ENTPD1: variants seen among roughly 807,000 people sequenced by gnomAD.
ENTPD1 encodes the protein ectonucleoside triphosphate diphosphohydrolase 1.
Under a neutral mutation model 57.0 loss-of-function variants are expected in ENTPD1, and 33 were observed. That is an observed-to-expected ratio of 0.58 (90% CI 0.44 to 0.77). ENTPD1 has a LOEUF of 0.77. Among genes scored for constraint, ENTPD1 ranks in the 30% least tolerant of loss-of-function variants. The pLI, the probability that ENTPD1 is intolerant of heterozygous loss-of-function variation, is 0.00. For synonymous variants in ENTPD1, 202 were observed against 218.8 expected (o/e 0.92, Z 0.68); for missense variants, 501 against 603.4 (o/e 0.83, Z 1.78).
chr10:95,723,679 C>T (rs953077740), intron 1 of ENTPD1, among the ~76,000 whole-genome samples: 5 of 152,140 alleles, frequency 3.3e-5, no homozygotes, highest in Non-Finnish European at 4.4e-5. Flanking sequence ...AAGGTAGGGG[C>T]ACACACATGG....
intron 1 of ENTPD1, among the ~76,000 whole-genome samples, chr10:95,750,206 T>C (rs150249684): frequency 2.6e-5 from 4 of 152,300 alleles, no homozygotes; most frequent in Non-Finnish European, 5.9e-5. Flanking sequence ...ACAGTGTTTG[T>C]GTCTGTGGGA....
At chr10:95,712,150 T>C (rs1450505662) in intron 1 of ENTPD1, among the ~76,000 whole-genome samples, 2 of 152,252 alleles carry the variant, frequency 1.3e-5, no homozygotes, top group Non-Finnish European at 2.9e-5. Flanking sequence ...GTAGCGACTC[T>C]GGTGTCCTTT....
At chr10:95,710,603 A>G (rs2097964735), upstream of ENTPD1, among the ~76,000 whole-genome samples, 1 of 152,232 alleles carries the variant, frequency 6.6e-6, no homozygotes. Flanking sequence ...TGTAGAGGAA[A>G]GAAGTATGTT....
chr10:95,872,358 C>T lies in ENTPD1; in HGVS notation c.*5975C>T. Reference sequence around the variant, plus strand: ...CTCTCCAGGCTCATATCCCACTCCACTCCTCTGATGTTTCCTACACTACAC... The same window carrying T: ...CTCTCCAGGCTCATATCCCACTCCATTCCTCTGATGTTTCCTACACTACAC... On this transcript the variant is annotated 3_prime_UTR_variant, in exon 10 of 10. Coordinates refer to ENST00000371205, the MANE Select transcript of ENTPD1 (RefSeq NM_001776.6). 1 of 985,448 alleles carries T rather than the reference C, an allele frequency of 1.0e-6. No individual in the cohort carries two copies. The allele number at this position is 985,448 out of a possible 1,614,324, so 61.0% of individuals were successfully genotyped here. A position where few individuals can be genotyped will look rare whatever the true frequency, so the allele number is the denominator to read the frequency against.
chr10:95,857,249 A>C (rs901689082), intron 7 of ENTPD1, among the ~76,000 whole-genome samples: 16 of 152,178 alleles, frequency 1.1e-4, no homozygotes, highest in African/African-American at 3.9e-4. Context: ...TGAAGGCTCA[A>C]TATGTTGCTA....
At chr10:95,745,731 G>A (rs188088893) in intron 1 of ENTPD1, among the ~76,000 whole-genome samples, 2 of 152,316 alleles carry the variant, frequency 1.3e-5, no homozygotes, top group African/African-American at 2.4e-5. Flanking sequence ...GATATTTGCC[G>A]TAGCATAGGA....
Position 95,820,567 on chromosome 10 carries a change from T to G in ENTPD1, c.17-2670T>G, listed in dbSNP as rs180727168. 8.6e-3 allele frequency among the ~76,000 whole-genome samples: 1,310 copies of G among 152,338 alleles called. 15 individuals carry two copies. Among genetic ancestry groups the G allele is most frequent in the Non-Finnish European group, 0.013 (881 of 68,026 alleles). On this transcript the variant is annotated intron_variant, in intron 1 of 9. Coordinates refer to ENST00000371205, the MANE Select transcript of ENTPD1 (RefSeq NM_001776.6). Reference sequence around the variant, plus strand: ...TCTGGGTTCTTGCAGTTTCTGTTCCTTCTTCCTCTTATGTTCTTACTCCCT... The same window carrying G: ...TCTGGGTTCTTGCAGTTTCTGTTCCGTCTTCCTCTTATGTTCTTACTCCCT...
intron 1 of ENTPD1, among the ~76,000 whole-genome samples, chr10:95,750,434 T>C (rs1343459291): frequency 2.0e-5 from 3 of 152,098 alleles, no homozygotes; most frequent in African/African-American, 7.2e-5. Context: ...CCCCTTTCTC[T>C]CTCGTGCTCC....
At chr10:95,794,754 C>T (rs1280626016) in intron 1 of ENTPD1, among the ~76,000 whole-genome samples, 1 of 152,010 alleles carries the variant, frequency 6.6e-6, no homozygotes, top group Non-Finnish European at 1.5e-5. Flanking sequence ...AAGTGACTTT[C>T]TGTTGGGATC....
At chr10:95,729,007 A>G (rs1233178898) in intron 1 of ENTPD1, among the ~76,000 whole-genome samples, 2 of 152,138 alleles carry the variant, frequency 1.3e-5, no homozygotes, top group African/African-American at 2.4e-5. Context: ...TGACATACCT[A>G]ACTTTTTCTT....
chr10:95,763,147 A>G (rs909356345), intron 1 of ENTPD1, among the ~76,000 whole-genome samples: 21 of 151,698 alleles, frequency 1.4e-4, no homozygotes, highest in Non-Finnish European at 2.5e-4. Context: ...CTGGTCTCAA[A>G]CTCCTGGACT....
intron 1 of ENTPD1, among the ~76,000 whole-genome samples, chr10:95,793,461 T>G (rs1018060021): frequency 6.6e-6 from 1 of 152,208 alleles, no homozygotes; most frequent in African/African-American, 2.4e-5. Context: ...GCCTCACAAT[T>G]GCTCTTCAGT....
upstream of ENTPD1, chr10:95,755,088 C>T (rs1170860795): frequency 6.6e-6 from 1 of 152,244 alleles, no homozygotes; most frequent in African/African-American, 2.4e-5. Flanking sequence ...ATCTACATTT[C>T]TGCTTTGCTG....
chr10:95,757,692 C>A (rs147189098), intron 1 of ENTPD1, among the ~76,000 whole-genome samples: 1 of 152,200 alleles, frequency 6.6e-6, no homozygotes, highest in Non-Finnish European at 1.5e-5. Context: ...TGACACCAGT[C>A]ACAGCTAGTT....
intron 1 of ENTPD1, among the ~76,000 whole-genome samples, chr10:95,822,432 G>T (rs867750445): frequency 6.6e-6 from 1 of 152,068 alleles, no homozygotes; most frequent in African/African-American, 2.4e-5. Flanking sequence ...GAGTAGCTGG[G>T]ATTACAGGTG....
At chr10:95,761,981 A>G (rs1450584190) in intron 1 of ENTPD1, among the ~76,000 whole-genome samples, 1 of 152,184 alleles carries the variant, frequency 6.6e-6, no homozygotes, top group East Asian at 1.9e-4. Flanking sequence ...TGCAGAGAGA[A>G]CCGATGGAAT....
At chr10:95,830,293 T>A (rs992580710) in intron 2 of ENTPD1, among the ~76,000 whole-genome samples, 1 of 152,062 alleles carries the variant, frequency 6.6e-6, no homozygotes, top group Non-Finnish European at 1.5e-5. Context: ...GGTTAGATTG[T>A]TGAATATGGG....
At chr10:95,774,971 T>C (rs1402955332) in intron 1 of ENTPD1, among the ~76,000 whole-genome samples, 3 of 152,344 alleles carry the variant, frequency 2.0e-5, no homozygotes, top group East Asian at 3.9e-4. Flanking sequence ...GAGCATGGAA[T>C]GTTCTTCCAT....
intron 8 of ENTPD1, chr10:95,861,274 C>T (rs1445999730): frequency 6.6e-6 from 1 of 152,502 alleles, no homozygotes; most frequent in African/African-American, 2.4e-5. Context: ...CCTACTTATT[C>T]ATAAACTTGA....
Sources: gnomAD v4.1 joint callset for allele counts (sites outside exome capture counted in the v4.1 genomes callset) on GRCh38, gnomAD v4.1.1 for gene constraint, MANE v1.5 for transcripts, NCBI Gene and HGNC (gene_info 2026-07-23, HGNC 2026-07-21) for gene names.